Variants in CCDC40 observed in about 807,000 individuals in gnomAD.
CCDC40 encodes the protein coiled-coil domain-containing protein 40.
In CCDC40, 104 loss-of-function variants were observed where a neutral mutation model predicts 124.5. That is an observed-to-expected ratio of 0.84 (90% CI 0.71 to 0.98). CCDC40 has a LOEUF of 0.98. Ranked by LOEUF, CCDC40 falls within the 50% of genes least tolerant of loss-of-function variation. The probability of loss-of-function intolerance (pLI) is 0.00; values close to 1 mark genes in which losing one functional copy is unlikely to be tolerated. For missense variants in CCDC40, 1,463 were observed against 1,503.9 expected (o/e 0.97, Z 0.45); for synonymous variants, 580 against 602.9 (o/e 0.96, Z 0.56).
At chr17:80,097,120 C>T in intron 18 of CCDC40, 125 bp from the exon 19 acceptor site, 1 of 1,077,668 alleles carries the variant, frequency 9.3e-7, no homozygotes, top group Non-Finnish European at 1.4e-6. Flanking sequence ...CCTCCCATTC[C>T]TCTTTGGGAG....
chr17:80,039,751 A>C (rs896901931), intron 2 of CCDC40, 61 bp from the exon 3 acceptor site: 19 of 1,579,528 alleles, frequency 1.2e-5, no homozygotes, highest in Non-Finnish European at 1.6e-5. Flanking sequence ...TATAAAGAAT[A>C]AAACCTCACA....
chr17:80,066,133 C>G lies in CCDC40; in HGVS notation c.1562+527C>G, dbSNP rs903224777. On this transcript the variant is annotated intron_variant, in intron 10 of 19. Coordinates refer to ENST00000397545, the MANE Select transcript of CCDC40 (RefSeq NM_017950.4). This position sits in a 1 kb window ranked among gnomAD's most constrained non-coding sequence, Gnocchi z 4.4. ...TCATTCCTAAAACCACCCAGGGTGACCAGGTCTCGGGACGCGGAAAGAAAA... is the reference window on the plus strand; with the variant it reads ...TCATTCCTAAAACCACCCAGGGTGAGCAGGTCTCGGGACGCGGAAAGAAAA... 2 of 702,860 alleles carry G rather than the reference C, an allele frequency of 2.8e-6. No homozygotes were observed. Among genetic ancestry groups the G allele is most frequent in the Non-Finnish European group, 2.6e-6 (1 of 385,006 alleles). The allele number at this position is 702,860 out of a possible 1,614,324, so 43.5% of individuals were successfully genotyped here. A position where few individuals can be genotyped will look rare whatever the true frequency, so the allele number is the denominator to read the frequency against.
chr17:80,038,045 G>A, intron 1 of CCDC40, 78 bp from the exon 2 acceptor site: 1 of 910,178 alleles, frequency 1.1e-6, no homozygotes, highest in Non-Finnish European at 1.8e-6. Flanking sequence ...AAACAGATGT[G>A]CAGAATTCAG....
At chr17:80,090,959 T>C in intron 17 of CCDC40, 8 of 372,778 alleles carry the variant, frequency 2.1e-5, no homozygotes, top group South Asian at 5.5e-5. Flanking sequence ...CAAGCTCTCC[T>C]CCACAGAGTG....
rs1485851817 is a variant in CCDC40 at position 80,044,704 on chromosome 17, A to ATGTGTATAT, written c.553-2575_553-2574insTGTGTATAT. Among the ~76,000 whole-genome samples the ATGTGTATAT allele has an allele frequency of 5.1e-4, 19 of 37,220 alleles. 1 individual carries two copies. The highest frequency in any genetic ancestry group is 0.01 in the Middle Eastern group (1 of 98). 24.4% of individuals were successfully genotyped at this position (37,220 alleles called of 152,430 possible). A position where few individuals can be genotyped will look rare whatever the true frequency, so the allele number is the denominator to read the frequency against. ...TCTCAAAAACAAAACAAAACAAACA[A>ATGTGTATAT]ACAAAAAAAAAAATATATATATATA... On this transcript the variant is annotated intron_variant, in intron 3 of 19. Coordinates refer to ENST00000397545, the MANE Select transcript of CCDC40 (RefSeq NM_017950.4).
chr17:80,097,278 C>G lies in CCDC40; in HGVS notation c.3055C>G (p.Leu1019Val). ...TGAGTGCACCAAAACCGTCCTGGAA[C>G]TGGAAGAAACACAAAGAAATGTGAG... is the stretch of plus-strand genomic sequence containing the variant. ...TDECTKTVLE[L>V]EETQRNVSSS... Residue 1019 changes from leucine (L) to valine (V), a missense_variant, in exon 19 of 20, where the codon CTG becomes GTG. Physicochemically the swap from Leu to Val is conservative, Grantham distance 32. Transcript: ENST00000397545. The G allele has an allele frequency of 1.2e-6, 2 of 1,613,962 alleles. No individual in the cohort carries two copies. Among genetic ancestry groups the G allele is most frequent in the Non-Finnish European group, 1.7e-6 (2 of 1,180,024 alleles).
chr17:80,093,776 A>C (rs949813576), intron 17 of CCDC40, among the ~76,000 whole-genome samples: 1 of 152,240 alleles, frequency 6.6e-6, no homozygotes, highest in Non-Finnish European at 1.5e-5. Context: ...GGCCTCCCAA[A>C]GTGCTGGGAT....
rs1052358414 is a variant in CCDC40 at position 80,089,813 on chromosome 17, C to A, written c.2761C>A (p.Arg921Ser). Residue 921 changes from arginine (R) to serine (S), a missense_variant, in exon 17 of 20, where the codon CGT (arginine) becomes AGT (serine). Transcript: ENST00000397545. ...AAAAATCCAACTGGCAAAAGAGATGCGTTCCTCAGTGGATTCCGAGATCGG... is the reference window on the plus strand; with the variant it reads ...AAAAATCCAACTGGCAAAAGAGATGAGTTCCTCAGTGGATTCCGAGATCGG... ...EKKIQLAKEM[R>S]SSVDSEIGQT... 1 of 1,614,170 alleles carries A rather than the reference C, an allele frequency of 6.2e-7. No individual in the cohort carries two copies. Among genetic ancestry groups the A allele is most frequent in the East Asian group, 2.2e-5 (1 of 44,890 alleles).
Position 80,044,727 on chromosome 17 carries a change from A to ATATATATATATG in CCDC40, c.553-2541_553-2540insGTATATATATAT, listed in dbSNP as rs1275271680. On this transcript the variant is annotated intron_variant, in intron 3 of 19. Coordinates refer to ENST00000397545, the MANE Select transcript of CCDC40 (RefSeq NM_017950.4). The stretch of plus-strand genomic sequence containing the variant: ...CAAACAAAAAAAAAAATATATATAT[A>ATATATATATATG]TATATATATATCTCAACAACAGCAA... Among the ~76,000 whole-genome samples the ATATATATATATG allele has an allele frequency of 5.6e-5, 8 of 142,290 alleles. 1 individual carries two copies. Among genetic ancestry groups the ATATATATATATG allele is most frequent in the African/African-American group, 2.1e-4 (7 of 33,680 alleles). 93.3% of individuals were successfully genotyped at this position (142,290 alleles called of 152,430 possible).
intron 7 of CCDC40, among the ~76,000 whole-genome samples, chr17:80,051,628 C>CAAAAAAAAAAAAAAAAAA (rs200887220): frequency 1.1e-5 from 1 of 94,148 alleles, no homozygotes; most frequent in African/African-American, 4.0e-5. Flanking sequence ...GACTCCGTCT[C>CAAAAAAAAAAAAAAAAAA]AAAAAAAAAA....
At position 80,058,999 on chromosome 17, in the gene CCDC40, G is replaced by A. The variant is rs776659076; in HGVS notation, c.1440+19G>A. On this transcript the variant is annotated intron_variant, in intron 9 of 19. Coordinates refer to ENST00000397545, the MANE Select transcript of CCDC40 (RefSeq NM_017950.4). The surrounding 1 kb of genome is among the most constrained non-coding windows in gnomAD (Gnocchi z 4.2). ...GAGTGAGGTAAAAGCAGTCCCCGCAGCTCTCAGTGTTCGACCCTCCAGTGA... is the reference window on the plus strand; with the variant it reads ...GAGTGAGGTAAAAGCAGTCCCCGCAACTCTCAGTGTTCGACCCTCCAGTGA... The A allele has an allele frequency of 5.0e-6, 8 of 1,614,058 alleles. No individual in the cohort carries two copies. The African/African-American group carries it at 9.3e-5, about 19-fold the overall frequency.
At chr17:80,067,328 A>G (rs942016720) in intron 10 of CCDC40, 5 of 585,840 alleles carry the variant, frequency 8.5e-6, no homozygotes, top group Non-Finnish European at 1.2e-5. Flanking sequence ...GCCCGCAGTC[A>G]CTAGAACCCC....
At chr17:80,084,718 C>T in intron 12 of CCDC40, 25 bp from the exon 13 acceptor site, 6 of 1,613,508 alleles carry the variant, frequency 3.7e-6, no homozygotes, top group Non-Finnish European at 5.1e-6. Flanking sequence ...GCAATATTCA[C>T]AGGTATTTCT....
intron 3 of CCDC40, among the ~76,000 whole-genome samples, chr17:80,046,759 C>A (rs1050476566): frequency 6.6e-6 from 1 of 152,166 alleles, no homozygotes; most frequent in Non-Finnish European, 1.5e-5. Context: ...GTTTCCTCTT[C>A]TCTCCTTTCA....
At chr17:80,067,260 C>G in intron 10 of CCDC40, 1 of 476,626 alleles carries the variant, frequency 2.1e-6, no homozygotes, top group Non-Finnish European at 3.8e-6. Context: ...AGAGACATGG[C>G]TTCCTTTTGG....
intron 7 of CCDC40, among the ~76,000 whole-genome samples, chr17:80,056,835 C>G (rs1279421751): frequency 1.3e-5 from 2 of 151,470 alleles, no homozygotes; most frequent in African/African-American, 4.9e-5. Flanking sequence ...GTCAGGAGAT[C>G]GAGACCATCC....
Position 80,040,220 on chromosome 17 carries a change from C to A in CCDC40, c.502C>A (p.Pro168Thr). The change falls in exon 3 of 20, where the codon CCG (proline) becomes ACG (threonine). Residue 168 changes from proline to threonine, a missense_variant. By Grantham distance (38) the Pro-to-Thr change is conservative. Transcript: ENST00000397545. ...AGAGCCATCCCACGGAGTCTTAGGC[C>A]CGTCGGAGCAAATGGGCCAGGTCAC... ...SPEPSHGVLG[P>T]SEQMGQVTSG... is the part of the protein sequence containing the mutation. The A allele has an allele frequency of 6.2e-7, 1 of 1,613,962 alleles. No homozygotes were observed. The highest frequency in any genetic ancestry group is 2.2e-5 in the East Asian group (1 of 44,880).
At chr17:80,085,072 G>C in intron 13 of CCDC40, 84 bp downstream of exon 13, 13 of 1,533,044 alleles carry the variant, frequency 8.5e-6, no homozygotes, top group Non-Finnish European at 1.2e-5. Context: ...CCCACGGTCA[G>C]ACATGAACTC....
intron 1 of CCDC40, among the ~76,000 whole-genome samples, chr17:80,037,686 AAAAGATATACATATATATAT>A (rs1024361569): frequency 3.8e-5 from 1 of 26,304 alleles, no homozygotes; most frequent in Non-Finnish European, 8.6e-5. Flanking sequence ...AATTTTTTAA[AAAAGATATACATATATATAT>A]ATATATATAT....
Sources: allele counts gnomAD v4.1 joint callset (sites outside exome capture counted in the v4.1 genomes callset), GRCh38; gene constraint gnomAD v4.1.1; non-coding constraint Gnocchi (gnomAD v3.1); transcripts MANE v1.5; gene names NCBI Gene and HGNC (gene_info 2026-07-23, HGNC 2026-07-21).